The following CACNA1B variants were observed in gnomAD, a reference collection of about 807,000 sequenced individuals.
The protein encoded by CACNA1B is voltage-dependent N-type calcium channel subunit alpha-1B.
Under a neutral mutation model 247.2 loss-of-function variants are expected in CACNA1B, and 70 were observed. The ratio of observed to expected loss-of-function variants is 0.28; its 90% CI spans 0.23 to 0.35. CACNA1B has a LOEUF of 0.35. CACNA1B is among the 10% of genes least tolerant of loss of function. The pLI is 1.00. For synonymous variants in CACNA1B, 1,231 were observed against 1,294.4 expected, an observed-to-expected ratio of 0.95 and a Z score of 1.05; for missense variants, 2,367 against 3,197.4, an observed-to-expected ratio of 0.74 and a Z score of 6.26.
chr9:137,892,031 C>G (rs1431242555), intron 3 of CACNA1B: 1 of 457,276 alleles, frequency 2.2e-6, no homozygotes, highest in South Asian at 1.5e-5. Context: ...AGTGTGCGGC[C>G]TCTGTGTCTT....
At chr9:137,896,277 T>G (rs913652265) in intron 3 of CACNA1B, among the ~76,000 whole-genome samples, 11 of 151,928 alleles carry the variant, frequency 7.2e-5, no homozygotes, top group African/African-American at 2.7e-4. Flanking sequence ...TGTAGGGTTT[T>G]GTAGTTGCTC....
Position 138,033,727 on chromosome 9 carries a change from G to A in CACNA1B, c.3286+8555G>A, listed in dbSNP as rs550200674. 2.0e-5 allele frequency among the ~76,000 whole-genome samples: 3 copies of A among 152,248 alleles called. No homozygotes were observed. The South Asian group carries it at 6.2e-4, about 32-fold the overall frequency. On this transcript the variant is annotated intron_variant, in intron 20 of 46. Transcript: ENST00000371372. ...GGAGAAGCAGGCACCTTCTTCACAG[G>A]GTGGCAGGACAGAGTGAGCGCAAGA... is the stretch of plus-strand genomic sequence containing the variant.
chr9:138,118,880 G>A, intron 44 of CACNA1B, 112 bp downstream of exon 44: 1 of 636,302 alleles, frequency 1.6e-6, no homozygotes, highest in Non-Finnish European at 2.8e-6. Flanking sequence ...GAGAGGCTGG[G>A]GTCCATGTGT....
In CACNA1B at chr9:137,917,005, T is replaced by C. The variant is rs1957420346; in HGVS notation, c.776-236T>C. 6.6e-6 allele frequency among the ~76,000 whole-genome samples: 1 copy of C among 151,924 alleles called. No homozygotes were observed. The highest frequency in any genetic ancestry group is 2.4e-5 in the African/African-American group (1 of 41,344). ...TCAAGTGATGGTGGGCAGGTTCCAG[T>C]AGGAGGGAGAGGCCAGCCGTTACTC... On this transcript the variant is annotated intron_variant, in intron 5 of 46. Coordinates refer to ENST00000371372, the MANE Select transcript of CACNA1B (RefSeq NM_000718.4). The surrounding 1 kb of genome is among the most constrained non-coding windows in gnomAD (Gnocchi z 5.5).
Position 138,121,845 on chromosome 9 carries a change from G to T in CACNA1B, c.6866G>T (p.Gly2289Val), listed in dbSNP as rs1230416632. The T allele has an allele frequency of 6.2e-7, 1 of 1,613,338 alleles. No homozygotes were observed. Among genetic ancestry groups the T allele is most frequent in the South Asian group, 1.1e-5 (1 of 91,092 alleles). The part of the protein sequence containing the change: ...TFEEAVATNS[G>V]RSSRTSYVSS... ...GAGGAGGCTGTGGCCACCAACTCGG[G>T]CCGCTCCTCCAGGACTTCCTACGTG... The change falls in exon 47 of 47, where the codon GGC (glycine) becomes GTC (valine). Residue 2289 changes from glycine to valine, a missense_variant. Gly to Val is a moderately radical substitution (Grantham distance 109). Coordinates refer to ENST00000371372, the MANE Select transcript of CACNA1B (RefSeq NM_000718.4). The surrounding 1 kb of genome is among the most constrained non-coding windows in gnomAD (Gnocchi z 6.8).
At chr9:138,106,285 A>G (rs910812923) in intron 39 of CACNA1B, among the ~76,000 whole-genome samples, 12 of 152,022 alleles carry the variant, frequency 7.9e-5, no homozygotes, top group African/African-American at 1.2e-4. Flanking sequence ...CTTCCCCACC[A>G]CAGAGGAGAT....
intron 6 of CACNA1B, among the ~76,000 whole-genome samples, chr9:137,945,488 T>C (rs1300306885): frequency 6.6e-6 from 1 of 152,226 alleles, no homozygotes. Context: ...ACGGTTCCCT[T>C]CACAATCAGT....
chr9:138,055,957 C>T (rs1052336928), intron 26 of CACNA1B, among the ~76,000 whole-genome samples: 16 of 151,946 alleles, frequency 1.1e-4, no homozygotes, highest in African/African-American at 3.4e-4. Flanking sequence ...ACCTGGAAGG[C>T]GGAGGTTGCA....
intron 44 of CACNA1B, among the ~76,000 whole-genome samples, chr9:138,119,856 G>A (rs1028754983): frequency 9.2e-5 from 14 of 152,134 alleles, no homozygotes; most frequent in Admixed American, 3.3e-4. Context: ...CACCCCAGAC[G>A]CACCAGGCAG....
chr9:137,904,754 G>A (rs934713785), intron 3 of CACNA1B, among the ~76,000 whole-genome samples: 3 of 152,038 alleles, frequency 2.0e-5, no homozygotes, highest in Admixed American at 6.6e-5. Context: ...TCCTGGGTTG[G>A]TTCTTAACCA....
intron 7 of CACNA1B, among the ~76,000 whole-genome samples, chr9:137,953,440 C>T (rs1458679083): frequency 6.6e-6 from 1 of 152,224 alleles, no homozygotes; most frequent in Non-Finnish European, 1.5e-5. Flanking sequence ...GTGGGGATGG[C>T]TGGAGCCGAA....
At chr9:138,091,260 T>C (rs1171621481) in intron 36 of CACNA1B, among the ~76,000 whole-genome samples, 1 of 152,208 alleles carries the variant, frequency 6.6e-6, no homozygotes, top group Non-Finnish European at 1.5e-5. Flanking sequence ...TGGAGGTCAT[T>C]ATGTTAAGGT....
At chr9:138,021,540 C>T (rs7019012) in intron 18 of CACNA1B, among the ~76,000 whole-genome samples, 42,576 of 152,182 alleles carry the variant, frequency 0.28, 8,282 homozygotes, top group East Asian at 0.63. Flanking sequence ...GCTCAGGGCC[C>T]CGGAGCTGGT....
Position 138,122,116 on chromosome 9 carries a change from C to A in CACNA1B, c.*117C>A, listed in dbSNP as rs1589142370. 6 of 886,588 alleles carry A rather than the reference C, an allele frequency of 6.8e-6. No homozygotes were observed. The East Asian group carries it at 1.6e-4, about 24-fold the overall frequency. 54.9% of individuals were successfully genotyped at this position (886,588 alleles called of 1,614,324 possible). On this transcript the variant is annotated 3_prime_UTR_variant, in exon 47 of 47. Transcript: ENST00000371372. ...GGAGGCCTTGCCCACCTTGGTGAGGCTCCTGTGGCCCCTCCCTCCCCCTCC... is the reference window on the plus strand; with the variant it reads ...GGAGGCCTTGCCCACCTTGGTGAGGATCCTGTGGCCCCTCCCTCCCCCTCC...
Position 138,049,255 on chromosome 9 carries a change from A to G in CACNA1B, c.3650A>G (p.Asp1217Gly). The G allele has an allele frequency of 6.2e-7, 1 of 1,613,812 alleles. No homozygotes were observed. ...LLLHPGAYFR[D>G]LWNILDFIVV... ...CTTCACCCTGGAGCCTATTTCCGGG[A>G]CTTGTGGAACATTCTGGACTTCATT... The change falls in exon 24 of 47, where the codon GAC becomes GGC. Residue 1217 changes from aspartate (D) to glycine (G), a missense_variant. Transcript: ENST00000371372.
rs1959434569 is a variant in CACNA1B, at chr9:138,054,812, T to C, written c.3968+806T>C. ...GAGAGCCCCACATCCTAGCTAAATC[T>C]TGGTGTTTTCTTTCTCGCCTTTCTG... On this transcript the variant is annotated intron_variant, in intron 26 of 46. Coordinates refer to ENST00000371372, the MANE Select transcript of CACNA1B (RefSeq NM_000718.4). The surrounding 1 kb of genome is among the most constrained non-coding windows in gnomAD (Gnocchi z 4.6). 6.6e-6 allele frequency among the ~76,000 whole-genome samples: 1 copy of C among 152,182 alleles called. No individual in the cohort carries two copies. The highest frequency in any genetic ancestry group is 1.5e-5 in the Non-Finnish European group (1 of 68,024).
In CACNA1B at chr9:137,952,712, G is replaced by A. The variant is rs2133338417; in HGVS notation, c.1070+335G>A. On this transcript the variant is annotated intron_variant, in intron 7 of 46. Transcript: ENST00000371372. This position sits in a 1 kb window ranked among gnomAD's most constrained non-coding sequence, Gnocchi z 4.8. Reference sequence around the variant, plus strand: ...GGATGGGAGGTGTGGTCTGTAATGGGAGGTTGGTCTGGGGGGATGGGAGGT... The same window carrying A: ...GGATGGGAGGTGTGGTCTGTAATGGAAGGTTGGTCTGGGGGGATGGGAGGT... Among the ~76,000 whole-genome samples, 1 of 150,344 alleles carries A rather than the reference G, an allele frequency of 6.7e-6. No individual in the cohort carries two copies. The highest frequency in any genetic ancestry group is 3.4e-3 in the Middle Eastern group (1 of 292).
At chr9:138,066,020 G>A (rs893303425) in intron 31 of CACNA1B, among the ~76,000 whole-genome samples, 2 of 152,214 alleles carry the variant, frequency 1.3e-5, no homozygotes, top group Non-Finnish European at 2.9e-5. Context: ...CACCCCTGGT[G>A]TCACCTGTCT....
chr9:138,075,916 T>G lies in CACNA1B; in HGVS notation c.4949+6T>G, dbSNP rs765107632. On this transcript the variant is annotated splice_donor_region_variant and intron_variant, in intron 35 of 46. Coordinates refer to ENST00000371372, the MANE Select transcript of CACNA1B (RefSeq NM_000718.4). The stretch of plus-strand genomic sequence containing the variant: ...GCCCTGATGCTGCTGTTCAGGTGTG[T>G]TGTTCGGTCAGCCCAGGCCAATGTC... 55 of 1,595,706 alleles carry G rather than the reference T, an allele frequency of 3.4e-5. No homozygotes were observed. Among genetic ancestry groups the G allele is most frequent in the Non-Finnish European group, 4.5e-5 (53 of 1,166,094 alleles).
Sources: allele counts gnomAD v4.1 joint callset (sites outside exome capture counted in the v4.1 genomes callset), GRCh38; gene constraint gnomAD v4.1.1; non-coding constraint Gnocchi (gnomAD v3.1); transcripts MANE v1.5; gene names NCBI Gene and HGNC (gene_info 2026-07-23, HGNC 2026-07-21).